GABRP: variants seen among roughly 807,000 people sequenced by gnomAD.
GABRP encodes gamma-aminobutyric acid receptor subunit pi.
Under a neutral mutation model 47.8 loss-of-function variants are expected in GABRP, and 52 were observed. The observed-to-expected ratio is 1.09, with a 90% CI of 0.87 to 1.37. The LOEUF is 1.37. Among genes scored for constraint, GABRP ranks in the 40% most tolerant of loss-of-function variants. The pLI, the probability that GABRP is intolerant of heterozygous loss-of-function variation, is 0.00. For synonymous variants in GABRP, 221 were observed against 205.8 expected, an observed-to-expected ratio of 1.07 and a Z score of -0.63; for missense variants, 525 against 542.8, an observed-to-expected ratio of 0.97 and a Z score of 0.33.
intron 3 of GABRP, among the ~76,000 whole-genome samples, chr5:170,792,700 C>G (rs1023807112): frequency 1.3e-5 from 2 of 152,164 alleles, no homozygotes; most frequent in African/African-American, 4.8e-5. Context: ...TATTAACATT[C>G]AATTATTGTT....
chr5:170,808,310 G>A (rs1309762802), intron 7 of GABRP, among the ~76,000 whole-genome samples: 1 of 152,100 alleles, frequency 6.6e-6, no homozygotes, highest in African/African-American at 2.4e-5. Flanking sequence ...TGCCCCCAAG[G>A]AACTCACTGT....
chr5:170,804,110 T>A (rs1204465345), intron 6 of GABRP, among the ~76,000 whole-genome samples: 1 of 152,086 alleles, frequency 6.6e-6, no homozygotes, highest in African/African-American at 2.4e-5. Flanking sequence ...TTAGCATGTT[T>A]TTGAGGTTCA....
intron 1 of GABRP, among the ~76,000 whole-genome samples, chr5:170,785,068 C>T (rs905032928): frequency 1.3e-5 from 2 of 152,224 alleles, no homozygotes; most frequent in African/African-American, 4.8e-5. Flanking sequence ...GAACTGGTGG[C>T]CTGAGCCTCC....
At chr5:170,811,373 C>T (rs1227979943) in intron 9 of GABRP, among the ~76,000 whole-genome samples, 1 of 151,640 alleles carries the variant, frequency 6.6e-6, no homozygotes, top group Non-Finnish European at 1.5e-5. Flanking sequence ...AATGGCAACT[C>T]CTTGCAATGG....
chr5:170,810,180 T>A, intron 9 of GABRP: 1 of 451,004 alleles, frequency 2.2e-6, no homozygotes, highest in Non-Finnish European at 3.9e-6. Context: ...TATGGAAATA[T>A]TAGATTGTGA....
chr5:170,788,217 T>C (rs999093627), intron 1 of GABRP: 1 of 162,230 alleles, frequency 6.2e-6, no homozygotes, highest in African/African-American at 2.4e-5. Context: ...GGTGTGGTGG[T>C]ACATGCCTGT....
intron 1 of GABRP, among the ~76,000 whole-genome samples, chr5:170,787,781 C>T (rs546037432): frequency 6.6e-6 from 1 of 152,332 alleles, no homozygotes; most frequent in Admixed American, 6.5e-5. Flanking sequence ...GCACCTAACT[C>T]ATGACCTCCT....
intron 4 of GABRP, among the ~76,000 whole-genome samples, chr5:170,794,706 A>T (rs1480819998): frequency 6.6e-6 from 1 of 152,098 alleles, no homozygotes; most frequent in African/African-American, 2.4e-5. Context: ...CTGACAGCTG[A>T]TGCTGACAAC....
intron 3 of GABRP, among the ~76,000 whole-genome samples, chr5:170,791,289 T>A (rs1382629023): frequency 6.6e-6 from 1 of 152,212 alleles, no homozygotes; most frequent in East Asian, 1.9e-4. Flanking sequence ...CACAACCCCA[T>A]ACCCCTTGTT....
At chr5:170,782,904 A>G (rs1164675490), upstream of GABRP, 1 of 152,398 alleles carries the variant, frequency 6.6e-6, no homozygotes, top group Non-Finnish European at 1.5e-5. Context: ...CCTTACCTGC[A>G]TGGCTGGAGC....
At chr5:170,809,851 C>T (rs879034216) in intron 9 of GABRP, 96 bp downstream of exon 9, 82 of 1,137,602 alleles carry the variant, frequency 7.2e-5, no homozygotes, top group South Asian at 6.8e-4. Flanking sequence ...CCACCCCACC[C>T]GCAGTGATTC....
chr5:170,783,596 T>G (rs1439398193), upstream of GABRP: 1 of 66,502 alleles, frequency 1.5e-5, no homozygotes, highest in Non-Finnish European at 4.0e-5. Context: ...CTCCAGAAAC[T>G]CAGGACCAGA....
In GABRP at chr5:170,789,121, T is replaced by C; in HGVS notation, c.54-8T>C. The C allele has an allele frequency of 6.2e-7, 1 of 1,607,282 alleles. No individual in the cohort carries two copies. Among genetic ancestry groups the C allele is most frequent in the South Asian group, 1.1e-5 (1 of 90,908 alleles). On this transcript the variant is annotated splice_polypyrimidine_tract_variant and splice_region_variant and intron_variant, in intron 2 of 9. Coordinates refer to ENST00000265294, the MANE Select transcript of GABRP (RefSeq NM_014211.3). ...AAGCAAACACAACAAAGCCCATTTC[T>C]TTTCCAGGATGTGCATCCAGGGGAG...
chr5:170,792,307 G>A (rs539051885), intron 3 of GABRP, among the ~76,000 whole-genome samples: 16 of 152,190 alleles, frequency 1.1e-4, no homozygotes, highest in Non-Finnish European at 2.2e-4. Context: ...GCTGGGCATG[G>A]TGGTGGGTGC....
At chr5:170,795,518 AG>A (rs1765403960) in intron 5 of GABRP, 93 bp downstream of exon 5, 2 of 958,162 alleles carry the variant, frequency 2.1e-6, no homozygotes, top group Admixed American at 1.8e-5. Flanking sequence ...GAACTCAAAT[AG>A]CCACTGTGAG....
At chr5:170,794,874 T>C (rs1215098736) in intron 4 of GABRP, among the ~76,000 whole-genome samples, 1 of 151,662 alleles carries the variant, frequency 6.6e-6, no homozygotes, top group Non-Finnish European at 1.5e-5. Context: ...ATCAGTGCAA[T>C]GTGAGCTGTC....
At chr5:170,798,851 G>T (rs1201937878) in intron 6 of GABRP, among the ~76,000 whole-genome samples, 3 of 151,624 alleles carry the variant, frequency 2.0e-5, no homozygotes, top group African/African-American at 7.3e-5. Context: ...CAACATGCAG[G>T]TTTGTTACAT....
At chr5:170,785,640 C>T (rs2127247055) in intron 1 of GABRP, among the ~76,000 whole-genome samples, 1 of 152,320 alleles carries the variant, frequency 6.6e-6, no homozygotes, top group Middle Eastern at 3.4e-3. Context: ...ATCTTCCTAA[C>T]AGAAGTTTGG....
intron 9 of GABRP, among the ~76,000 whole-genome samples, chr5:170,811,055 T>C (rs1321132376): frequency 6.6e-6 from 1 of 151,430 alleles, no homozygotes; most frequent in African/African-American, 2.4e-5. Flanking sequence ...ATCACTGCAC[T>C]ATGGAGTACT....
Sources: gnomAD v4.1 joint callset for allele counts (sites outside exome capture counted in the v4.1 genomes callset) on GRCh38, gnomAD v4.1.1 for gene constraint, MANE v1.5 for transcripts, NCBI Gene and HGNC (gene_info 2026-07-23, HGNC 2026-07-21) for gene names.